Variants in SLCO3A1 observed in about 807,000 individuals in gnomAD.
SLCO3A1 encodes the protein PGE1 transporter.
SLCO3A1 carries 27 observed loss-of-function variants against 63.1 expected under a neutral mutation model. The observed-to-expected ratio is 0.43, with a 90% confidence interval of 0.32 to 0.59. The LOEUF (loss-of-function observed/expected upper bound fraction) is 0.59. SLCO3A1 is among the 20% of genes least tolerant of loss of function. The pLI, the probability that SLCO3A1 is intolerant of heterozygous loss-of-function variation, is 0.09. For missense variants in SLCO3A1, 773 were observed against 945.8 expected, an observed-to-expected ratio of 0.82 and a Z score of 2.40; for synonymous variants, 473 against 409.9, an observed-to-expected ratio of 1.15 and a Z score of -1.86.
chr15:91,915,535 T>C (rs113686769), intron 1 of SLCO3A1, among the ~76,000 whole-genome samples: 2 of 152,088 alleles, frequency 1.3e-5, no homozygotes, highest in Non-Finnish European at 2.9e-5. Context: ...AGGTGGGGGA[T>C]AGGCTTTGCT....
intron 2 of SLCO3A1, among the ~76,000 whole-genome samples, chr15:91,955,343 T>C (rs941569916): frequency 6.9e-6 from 1 of 144,004 alleles, no homozygotes; most frequent in Non-Finnish European, 1.6e-5. Flanking sequence ...TTTTCTTTTT[T>C]TTTTTTTGAA....
chr15:92,002,363 C>T (rs537672835), intron 2 of SLCO3A1, among the ~76,000 whole-genome samples: 170 of 152,244 alleles, frequency 1.1e-3, no homozygotes, highest in African/African-American at 4.0e-3. Flanking sequence ...TGGAAAGGCC[C>T]TTGAACAATG....
chr15:92,157,491 A>C (rs969841811), intron 9 of SLCO3A1, among the ~76,000 whole-genome samples: 1 of 147,562 alleles, frequency 6.8e-6, no homozygotes, highest in Non-Finnish European at 1.5e-5. Flanking sequence ...GATGTGGAGA[A>C]ATTTTTTTTT....
chr15:92,108,677 C>T (rs751754875), intron 4 of SLCO3A1, among the ~76,000 whole-genome samples: 3 of 152,212 alleles, frequency 2.0e-5, no homozygotes, highest in African/African-American at 4.8e-5. Flanking sequence ...TCTTCTGCAG[C>T]CGCATGTCCA....
intron 2 of SLCO3A1, among the ~76,000 whole-genome samples, chr15:92,066,591 T>A (rs1251658797): frequency 1.3e-5 from 2 of 152,220 alleles, no homozygotes; most frequent in Non-Finnish European, 2.9e-5. Flanking sequence ...TTACTCTGTT[T>A]GTGTGGATCT....
At chr15:92,086,969 C>T (rs2047412093) in intron 2 of SLCO3A1, among the ~76,000 whole-genome samples, 1 of 133,794 alleles carries the variant, frequency 7.5e-6, no homozygotes, top group Non-Finnish European at 1.6e-5. Context: ...GGTGAAAAAG[C>T]AAAACTCCGT....
Position 91,916,162 on chromosome 15 carries a change from C to T in SLCO3A1, c.350C>T (p.Ala117Val), listed in dbSNP as rs1323446102. 6.2e-7 allele frequency: 1 copy of T among 1,604,950 alleles called. No individual in the cohort carries two copies. Among genetic ancestry groups the T allele is most frequent in the Non-Finnish European group, 8.5e-7 (1 of 1,177,732 alleles). ...RLIGCGGIVM[A>V]LGALLSALPE... ...ATCGGCTGCGGCGGCATCGTCATGGCGCTGGGCGCGCTGCTGTCGGCGCTG... is the reference window on the plus strand; with the variant it reads ...ATCGGCTGCGGCGGCATCGTCATGGTGCTGGGCGCGCTGCTGTCGGCGCTG... The change falls in exon 2 of 10, where the codon GCG becomes GTG. Residue 117 changes from alanine to valine, a missense_variant. Around this residue, in one of 3 missense-constraint regions of SLCO3A1, gnomAD observed 565 missense variants for 749.8 expected, o/e 0.75. Coordinates refer to ENST00000318445, the MANE Select transcript of SLCO3A1 (RefSeq NM_013272.4). This position sits in a 1 kb window ranked among gnomAD's most constrained non-coding sequence, Gnocchi z 6.2.
chr15:91,974,510 G>A (rs916550910), intron 2 of SLCO3A1, among the ~76,000 whole-genome samples: 1 of 152,064 alleles, frequency 6.6e-6, no homozygotes, highest in African/African-American at 2.4e-5. Flanking sequence ...GAAACTAGAA[G>A]GTGAAGGGAG....
chr15:91,960,749 G>C (rs968913650), intron 2 of SLCO3A1, among the ~76,000 whole-genome samples: 1 of 152,106 alleles, frequency 6.6e-6, no homozygotes, highest in Non-Finnish European at 1.5e-5. Context: ...AAATGCTTGG[G>C]ATGAGAAGTG....
At chr15:91,925,738 C>T (rs987275475) in intron 2 of SLCO3A1, among the ~76,000 whole-genome samples, 12 of 152,266 alleles carry the variant, frequency 7.9e-5, no homozygotes, top group African/African-American at 1.2e-4. Flanking sequence ...TTCCAGTGTC[C>T]ATCATTGCTG....
intron 2 of SLCO3A1, among the ~76,000 whole-genome samples, chr15:92,080,268 C>T (rs1432766063): frequency 6.6e-6 from 1 of 152,186 alleles, no homozygotes. Flanking sequence ...CAGTTCAACA[C>T]ACACGGAGTC....
chr15:91,958,698 A>G (rs1019121892), intron 2 of SLCO3A1, among the ~76,000 whole-genome samples: 1 of 152,216 alleles, frequency 6.6e-6, no homozygotes, highest in Non-Finnish European at 1.5e-5. Flanking sequence ...CCCCAGTGAA[A>G]TTAAAACCAC....
intron 2 of SLCO3A1, among the ~76,000 whole-genome samples, chr15:91,934,667 T>C (rs779075747): frequency 4.6e-5 from 7 of 152,262 alleles, no homozygotes; most frequent in African/African-American, 7.2e-5. Context: ...TTTTCTCTTT[T>C]ATTTGTAATG....
chr15:91,887,428 C>T (rs902664052), intron 1 of SLCO3A1, among the ~76,000 whole-genome samples: 4 of 152,094 alleles, frequency 2.6e-5, no homozygotes, highest in African/African-American at 2.4e-5. Context: ...ACATTGCGGC[C>T]GCTAACCCTG....
chr15:92,110,454 A>T (rs1390267907), intron 4 of SLCO3A1, among the ~76,000 whole-genome samples: 1 of 151,968 alleles, frequency 6.6e-6, no homozygotes, highest in African/African-American at 2.4e-5. Context: ...AACCCTTCTC[A>T]TGCCAGTCAT....
intron 4 of SLCO3A1, among the ~76,000 whole-genome samples, chr15:92,116,858 CTGTCA>C (rs2047801471): frequency 6.6e-6 from 1 of 152,026 alleles, no homozygotes; most frequent in African/African-American, 2.4e-5. Context: ...CAAGAGGAAA[CTGTCA>C]TTTCTGGAGG....
intron 1 of SLCO3A1, among the ~76,000 whole-genome samples, chr15:91,857,484 A>G (rs1896954538): frequency 6.6e-6 from 1 of 152,116 alleles, no homozygotes; most frequent in Admixed American, 6.5e-5. Flanking sequence ...TCGGTTTGAT[A>G]GTCATTTTGT....
In SLCO3A1 at chr15:92,051,587, A is replaced by C. The variant is rs193041202; in HGVS notation, c.647-43294A>C. The stretch of plus-strand genomic sequence containing the variant: ...CCTGGAGAGGGAGGGAGAGTGTGCT[A>C]AGACCAGGAGCTTCAGTTTGGAGTA... On this transcript the variant is annotated intron_variant, in intron 2 of 9. Transcript: ENST00000318445. 6.8e-4 allele frequency among the ~76,000 whole-genome samples: 103 copies of C among 152,236 alleles called. 1 individual carries two copies. The highest frequency in any genetic ancestry group is 2.2e-3 in the African/African-American group (92 of 41,570).
chr15:91,962,349 C>T (rs1900478389), intron 2 of SLCO3A1, among the ~76,000 whole-genome samples: 1 of 151,950 alleles, frequency 6.6e-6, no homozygotes, highest in African/African-American at 2.4e-5. Context: ...CATGGTGGCA[C>T]ATGCCTGTGA....
Sources: gnomAD v4.1 joint callset for allele counts (sites outside exome capture counted in the v4.1 genomes callset) on GRCh38, gnomAD v4.1.1 for gene constraint, gnomAD v4.1.1 regional missense constraint, Gnocchi (gnomAD v3.1) non-coding constraint, MANE v1.5 for transcripts, NCBI Gene and HGNC (gene_info 2026-07-23, HGNC 2026-07-21) for gene names.